The following BAZ2B variants were observed in gnomAD, a reference collection of about 807,000 sequenced individuals.
BAZ2B encodes bromodomain adjacent to zinc finger domain 2B, also known as bromodomain adjacent to zinc finger domain protein 2B.
BAZ2B carries 91 observed loss-of-function variants against 246.0 expected under a neutral mutation model. The observed-to-expected ratio is 0.37, with a 90% confidence interval of 0.31 to 0.44. BAZ2B has a LOEUF of 0.44. Among genes scored for constraint, BAZ2B ranks in the 20% least tolerant of loss-of-function variants. BAZ2B has a pLI of 1.00. For missense variants in BAZ2B, 2,332 were observed against 2,533.7 expected, an observed-to-expected ratio of 0.92 and a Z score of 1.71; for synonymous variants, 855 against 860.0, an observed-to-expected ratio of 0.99 and a Z score of 0.10.
chr2:159,686,165 C>A, the BAZ2B span, among the ~76,000 whole-genome samples: 1 of 152,124 alleles, frequency 6.6e-6, no homozygotes, highest in South Asian at 2.1e-4. Flanking sequence ...ACTCAGGAGG[C>A]TGAGGCAGGA....
intron 3 of BAZ2B, 65 bp downstream of exon 3, chr2:159,478,510 A>G: frequency 1.3e-6 from 2 of 1,502,356 alleles, no homozygotes; most frequent in Non-Finnish European, 9.0e-7. Context: ...TCAGTGCTCA[A>G]TAAAATATTA....
chr2:159,466,945 G>A (rs12471260), intron 3 of BAZ2B, among the ~76,000 whole-genome samples: 70,833 of 151,920 alleles, frequency 0.47, 18,130 homozygotes, highest in Non-Finnish European at 0.59. Flanking sequence ...CCCAGAAATA[G>A]TGTTTTACCT....
chr2:159,501,202 T>TA (rs1491564755), intron 2 of BAZ2B, among the ~76,000 whole-genome samples: 17 of 105,330 alleles, frequency 1.6e-4, no homozygotes, highest in African/African-American at 5.1e-4. Flanking sequence ...AATATATATA[T>TA]TTTTATATAT....
At chr2:159,680,765 G>A in the BAZ2B span, among the ~76,000 whole-genome samples, 1 of 152,150 alleles carries the variant, frequency 6.6e-6, no homozygotes, top group East Asian at 1.9e-4. Context: ...CTTTGCAGTA[G>A]GGGCTGTTAC....
chr2:159,548,061 T>A (rs1488417986), intron 2 of BAZ2B, among the ~76,000 whole-genome samples: 2 of 152,156 alleles, frequency 1.3e-5, no homozygotes, highest in Non-Finnish European at 2.9e-5. Context: ...CATCCAAATA[T>A]ACATTTAGGA....
intron 31 of BAZ2B, among the ~76,000 whole-genome samples, chr2:159,344,814 G>GA (rs1012692185): frequency 3.3e-5 from 5 of 151,678 alleles, no homozygotes; most frequent in East Asian, 3.9e-4. Flanking sequence ...GTGGAAGCTT[G>GA]AAAAAAAACT....
chr2:159,647,172 G>A, the BAZ2B span, among the ~76,000 whole-genome samples: 9 of 152,248 alleles, frequency 5.9e-5, no homozygotes, highest in African/African-American at 2.2e-4. Flanking sequence ...AAACCAAAAG[G>A]ATGTATGTAT....
intron 1 of BAZ2B, among the ~76,000 whole-genome samples, chr2:159,577,629 A>G (rs1338121490): frequency 1.3e-5 from 2 of 152,208 alleles, no homozygotes; most frequent in Non-Finnish European, 2.9e-5. Flanking sequence ...AATGTGCCCT[A>G]AGATTAGAGA....
chr2:159,432,800 ATCT>A lies in BAZ2B; in HGVS notation c.1854_1856del (p.Glu618del), dbSNP rs771145950. On this transcript the variant is annotated inframe_deletion, in exon 9 of 37. Coordinates refer to ENST00000392783, the MANE Select transcript of BAZ2B (RefSeq NM_013450.4). Reference sequence around the variant, plus strand: ...ATTCATCATCTTCATCATCTTCCTCATCTTCTTCTTCATCATCTTCCTCTTCAT... The same window carrying A: ...ATTCATCATCTTCATCATCTTCCTCATCTTCTTCATCATCTTCCTCTTCAT... 3.7e-5 allele frequency: 59 copies of A among 1,613,562 alleles called. No individual in the cohort carries two copies. Among genetic ancestry groups the A allele is most frequent in the Middle Eastern group, 3.3e-4 (2 of 6,060 alleles).
chr2:159,478,485 A>T, intron 3 of BAZ2B, 90 bp downstream of exon 3: 1 of 1,377,780 alleles, frequency 7.3e-7, no homozygotes, highest in Non-Finnish European at 9.7e-7. Flanking sequence ...AATGCAAGTC[A>T]TGAGAATATT....
chr2:159,682,428 C>T, the BAZ2B span, among the ~76,000 whole-genome samples: 1 of 152,110 alleles, frequency 6.6e-6, no homozygotes. Flanking sequence ...ATCTTCCTGC[C>T]TGGGCTTCCC....
the BAZ2B span, among the ~76,000 whole-genome samples, chr2:159,709,364 A>T: frequency 6.6e-6 from 1 of 152,184 alleles, no homozygotes; most frequent in Non-Finnish European, 1.5e-5. Context: ...AGTTGGATAA[A>T]AGGAGTAAGT....
At chr2:159,563,184 A>G (rs1226201337) in intron 1 of BAZ2B, among the ~76,000 whole-genome samples, 1 of 152,186 alleles carries the variant, frequency 6.6e-6, no homozygotes, top group African/African-American at 2.4e-5. Flanking sequence ...TATTTAGAGA[A>G]ATTAAATGAT....
chr2:159,669,695 A>G, the BAZ2B span, among the ~76,000 whole-genome samples: 2 of 152,132 alleles, frequency 1.3e-5, no homozygotes, highest in South Asian at 2.1e-4. Flanking sequence ...TGATGTTAAT[A>G]TAGCTGTTTC....
At chr2:159,551,665 T>C (rs1306970106) in intron 2 of BAZ2B, among the ~76,000 whole-genome samples, 1 of 152,130 alleles carries the variant, frequency 6.6e-6, no homozygotes, top group Non-Finnish European at 1.5e-5. Context: ...GAAAATAACC[T>C]CTGAATTATT....
chr2:159,430,230 G>T (rs921892280), intron 10 of BAZ2B, among the ~76,000 whole-genome samples: 1 of 152,104 alleles, frequency 6.6e-6, no homozygotes, highest in Non-Finnish European at 1.5e-5. Flanking sequence ...CCATGAAACA[G>T]CAAGACCAAT....
At chr2:159,466,726 C>A (rs73967881) in intron 3 of BAZ2B, among the ~76,000 whole-genome samples, 1 of 152,060 alleles carries the variant, frequency 6.6e-6, no homozygotes, top group Non-Finnish European at 1.5e-5. Flanking sequence ...TTCTGAGAAC[C>A]GAAGGGCTGA....
At chr2:159,567,525 C>G (rs1682926227) in intron 1 of BAZ2B, among the ~76,000 whole-genome samples, 2 of 152,152 alleles carry the variant, frequency 1.3e-5, no homozygotes, top group South Asian at 4.1e-4. Flanking sequence ...TCTTTAACAT[C>G]TTTCAGAGTT....
chr2:159,407,960 A>G (rs559812471), intron 14 of BAZ2B, among the ~76,000 whole-genome samples: 2 of 152,342 alleles, frequency 1.3e-5, no homozygotes, highest in South Asian at 4.1e-4. Flanking sequence ...AAAGTTTTGA[A>G]TTCTACAATA....
Sources: allele counts gnomAD v4.1 joint callset (sites outside exome capture counted in the v4.1 genomes callset), GRCh38; gene constraint gnomAD v4.1.1; transcripts MANE v1.5; gene names NCBI Gene and HGNC (gene_info 2026-07-23, HGNC 2026-07-21).